The following BABAM2 variants were observed in gnomAD, a reference collection of about 807,000 sequenced individuals.
The protein encoded by BABAM2 is BRISC and BRCA1-A complex member 2.
A neutral mutation model predicts 54.7 loss-of-function variants in BABAM2; 31 were observed. The observed-to-expected ratio is 0.57, with a 90% CI of 0.43 to 0.77. The LOEUF is 0.77. Among genes scored for constraint, BABAM2 ranks in the 30% least tolerant of loss-of-function variants. BABAM2 has a pLI of 0.00. For synonymous variants in BABAM2, 167 were observed against 162.9 expected (o/e 1.03, Z -0.19); for missense variants, 364 against 455.8 (o/e 0.80, Z 1.83).
At chr2:27,978,415 C>T (rs947517318) in intron 3 of BABAM2, among the ~76,000 whole-genome samples, 6 of 152,256 alleles carry the variant, frequency 3.9e-5, no homozygotes, top group South Asian at 2.1e-4. Flanking sequence ...ATCCAGTCCT[C>T]GGTTAGTTCT....
chr2:28,124,708 C>A (rs966171292), intron 6 of BABAM2, among the ~76,000 whole-genome samples: 1 of 152,142 alleles, frequency 6.6e-6, no homozygotes, highest in African/African-American at 2.4e-5. Context: ...CTGCTCTTAC[C>A]CACTTATCCC....
chr2:27,930,151 A>G (rs1266003011), intron 3 of BABAM2: 4 of 405,010 alleles, frequency 9.9e-6, no homozygotes, highest in Non-Finnish European at 1.8e-5. Context: ...ATGCCCGGTA[A>G]TTTTTATGTG....
intron 6 of BABAM2, among the ~76,000 whole-genome samples, chr2:28,092,776 C>T (rs1666267868): frequency 6.7e-6 from 1 of 149,002 alleles, no homozygotes; most frequent in Admixed American, 6.7e-5. Flanking sequence ...CTCTCTCACG[C>T]TCTCTCTCTC....
upstream of BABAM2, among the ~76,000 whole-genome samples, chr2:27,889,012 T>C (rs1245424247): frequency 6.6e-6 from 1 of 152,184 alleles, no homozygotes; most frequent in African/African-American, 2.4e-5. Context: ...TGTGGAAAAA[T>C]AAAGGTCATT....
chr2:28,338,627 C>G lies in BABAM2; in HGVS notation c.*114C>G, dbSNP rs1488617685. 1.5e-6 allele frequency: 2 copies of G among 1,316,424 alleles called. No homozygotes were observed. The highest frequency in any genetic ancestry group is 2.2e-6 in the Non-Finnish European group (2 of 921,448). 81.5% of individuals were successfully genotyped at this position (1,316,424 alleles called of 1,614,324 possible). On this transcript the variant is annotated 3_prime_UTR_variant, in exon 12 of 12. Transcript: ENST00000379624. ...TGTCTTCACGGCAGCGTTTTGCTCACACAGCAGCTTTTGCACGCCCCAGGC... is the reference window on the plus strand; with the variant it reads ...TGTCTTCACGGCAGCGTTTTGCTCAGACAGCAGCTTTTGCACGCCCCAGGC...
chr2:28,140,530 T>C (rs1019380976), intron 7 of BABAM2, among the ~76,000 whole-genome samples: 4 of 152,156 alleles, frequency 2.6e-5, no homozygotes, highest in Admixed American at 2.0e-4. Flanking sequence ...TAAATTTTAC[T>C]ATGGGTAAAA....
chr2:28,088,624 T>G (rs1172874722), intron 6 of BABAM2, among the ~76,000 whole-genome samples: 1 of 152,184 alleles, frequency 6.6e-6, no homozygotes, highest in Non-Finnish European at 1.5e-5. Context: ...TGGGGAGCTT[T>G]AAAAACTCCC....
At chr2:28,050,343 A>G (rs1275650917) in intron 6 of BABAM2, among the ~76,000 whole-genome samples, 1 of 152,170 alleles carries the variant, frequency 6.6e-6, no homozygotes, top group Admixed American at 6.5e-5. Flanking sequence ...ACTGTCTTGT[A>G]CCAGGTGGGT....
At chr2:28,204,278 TAG>T (rs1307052282) in intron 7 of BABAM2, among the ~76,000 whole-genome samples, 1 of 152,210 alleles carries the variant, frequency 6.6e-6, no homozygotes, top group African/African-American at 2.4e-5. Flanking sequence ...TGTACCTTTC[TAG>T]AGAAAAATGT....
At chr2:27,979,680 C>T (rs974031299) in intron 3 of BABAM2, among the ~76,000 whole-genome samples, 9 of 152,022 alleles carry the variant, frequency 5.9e-5, no homozygotes, top group African/African-American at 1.4e-4. Context: ...GATGGTATCT[C>T]GTGGTTTTGA....
At position 28,316,159 on chromosome 2, in the gene BABAM2, C is replaced by T. The variant is rs866646616; in HGVS notation, c.1088+17668C>T. On this transcript the variant is annotated intron_variant, in intron 11 of 11. Transcript: ENST00000379624. ...ATACTTATACTAAAAAGTCATTTAT[C>T]TGACATTCAGATTTAACAAGGCATC... Among the ~76,000 whole-genome samples, 3 of 152,296 alleles carry T rather than the reference C, an allele frequency of 2.0e-5. No homozygotes were observed. The South Asian group carries it at 6.2e-4, about 32-fold the overall frequency.
At chr2:27,911,616 G>A (rs1666602218) in intron 2 of BABAM2, among the ~76,000 whole-genome samples, 1 of 152,086 alleles carries the variant, frequency 6.6e-6, no homozygotes, top group Non-Finnish European at 1.5e-5. Flanking sequence ...TCTTGAGCAT[G>A]GACTTCAAGG....
At chr2:28,236,799 AG>A (rs1418730777) in intron 7 of BABAM2, among the ~76,000 whole-genome samples, 3 of 152,236 alleles carry the variant, frequency 2.0e-5, no homozygotes, top group African/African-American at 7.2e-5. Flanking sequence ...GATAAGCTGT[AG>A]AACTAGAGTG....
intron 7 of BABAM2, among the ~76,000 whole-genome samples, chr2:28,189,446 C>G (rs1023384614): frequency 6.6e-6 from 1 of 152,096 alleles, no homozygotes; most frequent in Non-Finnish European, 1.5e-5. Flanking sequence ...GAGAAAACAT[C>G]AGCATGGACT....
Position 28,131,504 on chromosome 2 carries a change from C to A in BABAM2, c.680+2124C>A, listed in dbSNP as rs150189770. On this transcript the variant is annotated intron_variant, in intron 7 of 11. Transcript: ENST00000379624. Reference sequence around the variant, plus strand: ...AAGCAGATCTAGTTTAAACCTGGTTCCTGCCACTCACCAGCTGTCACAAAA... The same window carrying A: ...AAGCAGATCTAGTTTAAACCTGGTTACTGCCACTCACCAGCTGTCACAAAA... Among the ~76,000 whole-genome samples, 26 of 152,254 alleles carry A rather than the reference C, an allele frequency of 1.7e-4. No individual in the cohort carries two copies. In the East Asian group the frequency reaches 4.6e-3, roughly 27 times the overall value.
intron 7 of BABAM2, among the ~76,000 whole-genome samples, chr2:28,158,790 T>G (rs1672788715): frequency 6.6e-6 from 1 of 152,218 alleles, no homozygotes; most frequent in Non-Finnish European, 1.5e-5. Context: ...CACTTTGAAT[T>G]TTTACACAGG....
At chr2:27,894,003 G>A (rs2219434) in intron 1 of BABAM2, among the ~76,000 whole-genome samples, 141,005 of 143,098 alleles carry the variant, frequency 0.99, 69,515 homozygotes, top group East Asian at 1. Flanking sequence ...AAAAAAAAAA[G>A]AAAAAAAAAG....
At chr2:28,116,368 C>G (rs1312641266) in intron 6 of BABAM2, among the ~76,000 whole-genome samples, 1 of 152,166 alleles carries the variant, frequency 6.6e-6, no homozygotes, top group Non-Finnish European at 1.5e-5. Context: ...CTGATCACGT[C>G]AAGGGGAGAC....
intron 4 of BABAM2, among the ~76,000 whole-genome samples, chr2:28,011,015 G>A (rs564576523): frequency 1.3e-5 from 2 of 152,294 alleles, no homozygotes; most frequent in South Asian, 4.1e-4. Context: ...ATTGAGCTAA[G>A]TGCATAGGCA....
Sources: allele counts gnomAD v4.1 joint callset (sites outside exome capture counted in the v4.1 genomes callset), GRCh38; gene constraint gnomAD v4.1.1; transcripts MANE v1.5; gene names NCBI Gene and HGNC (gene_info 2026-07-23, HGNC 2026-07-21).